Variants in DPY19L4 observed in about 807,000 individuals in gnomAD.
DPY19L4 encodes probable C-mannosyltransferase DPY19L4.
Under a neutral mutation model 102.8 loss-of-function variants are expected in DPY19L4, and 97 were observed. That is an observed-to-expected ratio of 0.94 (90% confidence interval 0.80 to 1.12). The LOEUF is 1.12. DPY19L4 is among the 50% of genes most tolerant of loss of function. DPY19L4 has a pLI of 0.00. For synonymous variants in DPY19L4, 252 were observed against 283.1 expected (o/e 0.89, Z 1.10); for missense variants, 815 against 850.4 (o/e 0.96, Z 0.52).
chr8:94,789,915 T>C lies in DPY19L4; in HGVS notation c.*5T>C, dbSNP rs774551976. Reference sequence around the variant, plus strand: ...GTGATATCCTTCCAGTCTTGAAAAATAACAGAGCCTTCATTTCAAAGACTA... The same window carrying C: ...GTGATATCCTTCCAGTCTTGAAAAACAACAGAGCCTTCATTTCAAAGACTA... On this transcript the variant is annotated 3_prime_UTR_variant, in exon 19 of 19. Coordinates refer to ENST00000414645, the MANE Select transcript of DPY19L4 (RefSeq NM_181787.3). 1 of 1,583,990 alleles carries C rather than the reference T, an allele frequency of 6.3e-7. No individual in the cohort carries two copies. The highest frequency in any genetic ancestry group is 8.5e-7 in the Non-Finnish European group (1 of 1,171,488).
At chr8:94,747,796 A>G (rs1013044063) in intron 6 of DPY19L4, among the ~76,000 whole-genome samples, 4 of 151,860 alleles carry the variant, frequency 2.6e-5, no homozygotes, top group South Asian at 4.2e-4. Flanking sequence ...TCCTGACCTC[A>G]TGATCCACCC....
chr8:94,731,734 T>G (rs1586314719), intron 2 of DPY19L4, among the ~76,000 whole-genome samples: 1 of 152,182 alleles, frequency 6.6e-6, no homozygotes, highest in South Asian at 2.1e-4. Context: ...ATCGGATTTA[T>G]TGCAGAGTGT....
intron 4 of DPY19L4, among the ~76,000 whole-genome samples, chr8:94,738,963 GT>G (rs1246411210): frequency 1.3e-5 from 2 of 152,060 alleles, no homozygotes; most frequent in African/African-American, 4.8e-5. Flanking sequence ...TCAAATCAGG[GT>G]AGTTAGTATA....
At chr8:94,743,171 G>A (rs1336485559) in intron 6 of DPY19L4, among the ~76,000 whole-genome samples, 2 of 151,998 alleles carry the variant, frequency 1.3e-5, no homozygotes, top group Non-Finnish European at 2.9e-5. Context: ...GGGATTACAG[G>A]TGCCCACCAC....
rs542707620 is a variant in DPY19L4, at chr8:94,759,456, C to A, written c.736-2244C>A. Among the ~76,000 whole-genome samples the A allele has an allele frequency of 2.7e-4, 40 of 150,266 alleles. No individual in the cohort carries two copies. The South Asian group carries it at 8.4e-3, about 32-fold the overall frequency. On this transcript the variant is annotated intron_variant, in intron 7 of 18. Transcript: ENST00000414645. ...TTCAGCTGGCTTCACCTCTCAAAAG[C>A]GCTGAGATTACTGGTGTGAGCCACT...
intron 6 of DPY19L4, among the ~76,000 whole-genome samples, chr8:94,744,050 T>C (rs536834955): frequency 6.6e-6 from 1 of 152,364 alleles, no homozygotes; most frequent in African/African-American, 2.4e-5. Flanking sequence ...TTGTGTGATG[T>C]ATTAGTTATT....
Position 94,787,995 on chromosome 8 carries a change from G to T in DPY19L4, c.1950G>T (p.Glu650Asp). 1 of 1,516,254 alleles carries T rather than the reference G, an allele frequency of 6.6e-7. No individual in the cohort carries two copies. Among genetic ancestry groups the T allele is most frequent in the South Asian group, 1.3e-5 (1 of 74,564 alleles). The allele number at this position is 1,516,254 out of a possible 1,614,324, so 93.9% of individuals were successfully genotyped here. A position where few individuals can be genotyped will look rare whatever the true frequency, so the allele number is the denominator to read the frequency against. The change falls in exon 18 of 19, where the codon GAG becomes GAT. Residue 650 changes from glutamate (E) to aspartate (D), a missense_variant. Glu to Asp is a conservative substitution (Grantham distance 45). Transcript: ENST00000414645. ...TTGTAGAGGATGCTATCTGCAATGAGGTGGGACCCATGAGAGGCTGTAGGG... is the reference window on the plus strand; with the variant it reads ...TTGTAGAGGATGCTATCTGCAATGATGTGGGACCCATGAGAGGCTGTAGGG... ...YLIVEDAICN[E>D]VGPMRGCRVK...
intron 3 of DPY19L4, among the ~76,000 whole-genome samples, 175 bp downstream of exon 3, chr8:94,734,929 A>G (rs1208146335): frequency 6.6e-6 from 1 of 152,236 alleles, no homozygotes; most frequent in African/African-American, 2.4e-5. Flanking sequence ...AGTGTATTTC[A>G]TAGAATAAAA....
chr8:94,790,021 T>G lies in DPY19L4; in HGVS notation c.*111T>G, dbSNP rs1813828672. 2.9e-6 allele frequency: 3 copies of G among 1,048,362 alleles called. No homozygotes were observed. The highest frequency in any genetic ancestry group is 2.6e-5 in the East Asian group (1 of 38,840). 64.9% of individuals were successfully genotyped at this position (1,048,362 alleles called of 1,614,324 possible). A position where few individuals can be genotyped will look rare whatever the true frequency, so the allele number is the denominator to read the frequency against. The stretch of plus-strand genomic sequence containing the variant: ...TATGGACATTTGAAATATTGCTGCT[T>G]CTTTCCCCCTTCTGCTGTTAACTGG... On this transcript the variant is annotated 3_prime_UTR_variant, in exon 19 of 19. Transcript: ENST00000414645.
intron 12 of DPY19L4, 145 bp from the exon 13 acceptor site, chr8:94,770,307 T>C (rs1172247597): frequency 4.3e-6 from 4 of 937,982 alleles, no homozygotes; most frequent in South Asian, 3.8e-5. Context: ...AGAATATACT[T>C]TCAAATTTTA....
chr8:94,779,233 C>CAAA (rs1554597643), intron 14 of DPY19L4, among the ~76,000 whole-genome samples: 20 of 110,384 alleles, frequency 1.8e-4, no homozygotes, highest in East Asian at 1.2e-3. Flanking sequence ...AAAAAAAAAC[C>CAAA]AAGGCTTTAA....
chr8:94,766,786 C>T (rs1450592504), intron 11 of DPY19L4, 101 bp downstream of exon 11: 2 of 1,121,576 alleles, frequency 1.8e-6, no homozygotes, highest in Non-Finnish European at 1.3e-6. Flanking sequence ...ATCTGTAATC[C>T]CAGCACTTTA....
At chr8:94,755,026 G>C (rs1321380164) in intron 6 of DPY19L4, among the ~76,000 whole-genome samples, 4 of 152,078 alleles carry the variant, frequency 2.6e-5, no homozygotes, top group Non-Finnish European at 5.9e-5. Context: ...GAGCTTAAGT[G>C]ATCCACCTGC....
chr8:94,742,324 C>T (rs926804379), intron 6 of DPY19L4, among the ~76,000 whole-genome samples: 1 of 151,946 alleles, frequency 6.6e-6, no homozygotes, highest in Non-Finnish European at 1.5e-5. Context: ...CGCCACTGCA[C>T]TCCAGCCTGG....
At chr8:94,763,481 C>T (rs1157212238) in intron 8 of DPY19L4, among the ~76,000 whole-genome samples, 1 of 150,572 alleles carries the variant, frequency 6.6e-6, no homozygotes, top group Non-Finnish European at 1.5e-5. Flanking sequence ...GCTGAGACTA[C>T]AAGTGCGTGC....
chr8:94,793,060 T>C lies in DPY19L4; in HGVS notation c.*3150T>C, dbSNP rs1297589905. On this transcript the variant is annotated 3_prime_UTR_variant, in exon 19 of 19. Transcript: ENST00000414645. ...GTAGAGTTTAAGAACCTAAGGAGTA[T>C]GCATTGTACTTCAGTGCTAACTTTT... 6.6e-6 allele frequency: 1 copy of C among 152,246 alleles called. No individual in the cohort carries two copies. The highest frequency in any genetic ancestry group is 1.5e-5 in the Non-Finnish European group (1 of 68,040). 9.4% of individuals were successfully genotyped at this position (152,246 alleles called of 1,614,324 possible).
chr8:94,765,443 C>G (rs1230223522), intron 9 of DPY19L4, 129 bp downstream of exon 9: 3 of 875,146 alleles, frequency 3.4e-6, no homozygotes, highest in Non-Finnish European at 5.2e-6. Context: ...TCAAGTGATT[C>G]TCCTGCCTCA....
At chr8:94,752,508 C>A (rs1213736045) in intron 6 of DPY19L4, among the ~76,000 whole-genome samples, 20 of 147,748 alleles carry the variant, frequency 1.4e-4, no homozygotes, top group African/African-American at 5.0e-4. Flanking sequence ...ATGGTGTGAA[C>A]CCAGGAGGGG....
At position 94,790,164 on chromosome 8, in the gene DPY19L4, C is replaced by A. The variant is rs1813833762; in HGVS notation, c.*254C>A. On this transcript the variant is annotated 3_prime_UTR_variant, in exon 19 of 19. Transcript: ENST00000414645. ...TTCCTTACCGTTACATGGTCTTTAA[C>A]ACTTTTACTGATTGCAATATTTTCC... 3.6e-6 allele frequency: 1 copy of A among 275,252 alleles called. No individual in the cohort carries two copies. The highest frequency in any genetic ancestry group is 6.7e-6 in the Non-Finnish European group (1 of 148,954). The allele number at this position is 275,252 out of a possible 1,614,324, so 17.1% of individuals were successfully genotyped here.
Sources: allele counts gnomAD v4.1 joint callset (sites outside exome capture counted in the v4.1 genomes callset), GRCh38; gene constraint gnomAD v4.1.1; transcripts MANE v1.5; gene names NCBI Gene and HGNC (gene_info 2026-07-23, HGNC 2026-07-21).